CADM2: variants seen among roughly 807,000 people sequenced by gnomAD.
CADM2 encodes immunoglobulin superfamily member 4D.
Under a neutral mutation model 49.8 loss-of-function variants are expected in CADM2, and 12 were observed. The observed-to-expected ratio is 0.24, with a 90% CI of 0.15 to 0.39. CADM2 has a LOEUF of 0.39. Ranked by LOEUF, CADM2 falls within the 10% of genes least tolerant of loss-of-function variation. CADM2 has a pLI of 1.00. For synonymous variants in CADM2, 214 were observed against 175.4 expected (o/e 1.22, Z -1.74); for missense variants, 378 against 492.3 (o/e 0.77, Z 2.20).
At chr3:85,419,298 AC>A (rs1342308334) in intron 1 of CADM2, among the ~76,000 whole-genome samples, 3 of 46,500 alleles carry the variant, frequency 6.5e-5, no homozygotes, top group African/African-American at 1.3e-4. Flanking sequence ...TACTAAAATT[AC>A]AAAAAAAAAT....
intron 1 of CADM2, among the ~76,000 whole-genome samples, chr3:85,444,802 T>C (rs1262068752): frequency 6.6e-6 from 1 of 152,156 alleles, no homozygotes; most frequent in Non-Finnish European, 1.5e-5. Context: ...ATAAAACAAT[T>C]CCTTGAACAC....
chr3:85,156,411 A>C (rs2107657276), intron 1 of CADM2, among the ~76,000 whole-genome samples: 1 of 152,284 alleles, frequency 6.6e-6, no homozygotes, highest in Admixed American at 6.5e-5. Flanking sequence ...ACACTCTCCC[A>C]AGACTAAACC....
chr3:85,956,103 T>G (rs896606979), intron 7 of CADM2, among the ~76,000 whole-genome samples: 7 of 151,794 alleles, frequency 4.6e-5, no homozygotes, highest in Admixed American at 3.3e-4. Context: ...GGACTAAGTG[T>G]TCTCATGTAA....
chr3:85,627,699 A>T (rs1165724669), intron 1 of CADM2, among the ~76,000 whole-genome samples: 1 of 152,074 alleles, frequency 6.6e-6, no homozygotes, highest in Non-Finnish European at 1.5e-5. Context: ...AGAGGAAGAG[A>T]TAAAAATCCA....
Position 85,105,316 on chromosome 3 carries a change from A to G in CADM2, c.61+145648A>G, listed in dbSNP as rs575180347. On this transcript the variant is annotated intron_variant, in intron 1 of 9. Transcript: ENST00000383699. The stretch of plus-strand genomic sequence containing the variant: ...GAACAGACACTTCTCAAAAGAAGAC[A>G]TTTGTGAATCCAAAAAACACATGAA... 2.6e-5 allele frequency among the ~76,000 whole-genome samples: 4 copies of G among 152,376 alleles called. No homozygotes were observed. In the South Asian group the frequency reaches 8.3e-4, roughly 32 times the overall value.
intron 1 of CADM2, among the ~76,000 whole-genome samples, chr3:85,072,245 G>A (rs1431721220): frequency 6.6e-6 from 1 of 151,914 alleles, no homozygotes; most frequent in Non-Finnish European, 1.5e-5. Context: ...AGTGGAACAA[G>A]TTTTAACCCC....
intron 8 of CADM2, among the ~76,000 whole-genome samples, chr3:86,047,462 G>A (rs1020560452): frequency 6.6e-6 from 1 of 152,132 alleles, no homozygotes; most frequent in Admixed American, 6.6e-5. Flanking sequence ...TGTCTCCAGA[G>A]AAGTCAGGAA....
At chr3:85,637,616 A>ATAATAAAATAAAAT (rs5850706) in intron 1 of CADM2, among the ~76,000 whole-genome samples, 3 of 96,088 alleles carry the variant, frequency 3.1e-5, no homozygotes, top group Admixed American at 2.1e-4. Context: ...CTCAAAAAAA[A>ATAATAAAATAAAAT]AAAAAAAAAT....
At chr3:85,845,017 C>T (rs2108273976) in intron 3 of CADM2, among the ~76,000 whole-genome samples, 1 of 151,386 alleles carries the variant, frequency 6.6e-6, no homozygotes, top group Middle Eastern at 3.4e-3. Flanking sequence ...TAGCCAGGCA[C>T]GTTGGTATGC....
chr3:85,430,556 A>G (rs549057487), intron 1 of CADM2, among the ~76,000 whole-genome samples: 16 of 145,884 alleles, frequency 1.1e-4, no homozygotes, highest in Non-Finnish European at 2.1e-4. Context: ...GGCAGAGATC[A>G]TTATGACACT....
intron 1 of CADM2, among the ~76,000 whole-genome samples, chr3:85,567,021 T>C (rs969813618): frequency 2.0e-5 from 3 of 152,222 alleles, no homozygotes; most frequent in Admixed American, 6.5e-5. Flanking sequence ...AGATTATATG[T>C]ACACCTTTTT....
chr3:85,441,876 A>G (rs2037217711), intron 1 of CADM2, among the ~76,000 whole-genome samples: 1 of 152,104 alleles, frequency 6.6e-6, no homozygotes, highest in Admixed American at 6.6e-5. Context: ...GAGTGACTAG[A>G]AGAAAAAAAG....
At chr3:85,132,540 GT>G (rs2039266381) in intron 1 of CADM2, among the ~76,000 whole-genome samples, 2 of 151,914 alleles carry the variant, frequency 1.3e-5, no homozygotes, top group African/African-American at 4.8e-5. Context: ...TATTTCAAGT[GT>G]TTTTGCAGTA....
intron 1 of CADM2, among the ~76,000 whole-genome samples, chr3:85,075,316 A>T (rs571485295): frequency 6.6e-6 from 1 of 151,982 alleles, no homozygotes. Context: ...AACTTGCAAC[A>T]TTTAGATTTT....
intron 1 of CADM2, among the ~76,000 whole-genome samples, chr3:85,331,981 C>A (rs969248708): frequency 4.6e-5 from 7 of 152,048 alleles, no homozygotes; most frequent in African/African-American, 9.7e-5. Context: ...TACAAAAGGT[C>A]AACACCTTTG....
intron 1 of CADM2, among the ~76,000 whole-genome samples, chr3:85,276,336 T>A (rs576706419): frequency 1.3e-5 from 2 of 151,496 alleles, no homozygotes; most frequent in Admixed American, 1.3e-4. Context: ...TGATGTACTT[T>A]GACGTAATAA....
At chr3:86,042,030 G>C (rs901033087) in intron 8 of CADM2, among the ~76,000 whole-genome samples, 15 of 152,128 alleles carry the variant, frequency 9.9e-5, no homozygotes, top group African/African-American at 2.2e-4. Context: ...TTGAAACCAA[G>C]GAGAACAAAG....
At chr3:85,663,013 G>A (rs941854477) in intron 1 of CADM2, among the ~76,000 whole-genome samples, 1 of 151,952 alleles carries the variant, frequency 6.6e-6, no homozygotes, top group Non-Finnish European at 1.5e-5. Context: ...CCTAGTTTTC[G>A]TAACTAGATA....
chr3:85,711,943 G>T (rs2067133109), intron 1 of CADM2, among the ~76,000 whole-genome samples: 1 of 152,110 alleles, frequency 6.6e-6, no homozygotes, highest in African/African-American at 2.4e-5. Flanking sequence ...AAAGCCAGCA[G>T]CTCACTTACC....
Sources: gnomAD v4.1 joint callset for allele counts (sites outside exome capture counted in the v4.1 genomes callset) on GRCh38, gnomAD v4.1.1 for gene constraint, MANE v1.5 for transcripts, NCBI Gene and HGNC (gene_info 2026-07-23, HGNC 2026-07-21) for gene names.